The following FBLN7 variants were observed in gnomAD, a reference collection of about 807,000 sequenced individuals.
FBLN7 encodes the protein fibulin-7.
In FBLN7, 31 loss-of-function variants were observed where a neutral mutation model predicts 44.0. The ratio of observed to expected loss-of-function variants is 0.70; its 90% confidence interval spans 0.53 to 0.95. The LOEUF is 0.95. Among genes scored for constraint, FBLN7 ranks in the 40% least tolerant of loss-of-function variants. FBLN7 has a pLI of 0.00. For synonymous variants in FBLN7, 262 were observed against 253.4 expected (o/e 1.03, Z -0.32); for missense variants, 573 against 618.5 (o/e 0.93, Z 0.78).
the FBLN7 span, chr2:112,212,686 GT>G: frequency 1.3e-5 from 2 of 152,116 alleles, no homozygotes. Context: ...TTTCCTCTCT[GT>G]TTTCTTCAGC....
At chr2:112,198,568 CAG>C in the FBLN7 span, among the ~76,000 whole-genome samples, 2,971 of 151,812 alleles carry the variant, frequency 0.02, 94 homozygotes, top group African/African-American at 0.065. Context: ...ACCTGGGAGA[CAG>C]AGGTTGCAGT....
chr2:112,238,611 A>G, the FBLN7 span: 1 of 1,150,024 alleles, frequency 8.7e-7, no homozygotes, highest in South Asian at 1.5e-5. Context: ...AAGATTGGCT[A>G]TAAACTGGTC....
intron 1 of FBLN7, among the ~76,000 whole-genome samples, 156 bp downstream of exon 1, chr2:112,138,886 A>G (rs1463362687): frequency 1.0e-5 from 1 of 98,972 alleles, no homozygotes; most frequent in Admixed American, 1.1e-4. Context: ...TCTCCAGGTC[A>G]GTGTCCCTCC....
chr2:112,140,943 T>C lies in FBLN7; in HGVS notation c.75+2213T>C, dbSNP rs549439737. ...AATCTCACCGGATTTATTTGTTTAA[T>C]ACTTGACCAGATTCGCTTTTATGTT... On this transcript the variant is annotated intron_variant, in intron 1 of 7. Coordinates refer to ENST00000331203, the MANE Select transcript of FBLN7 (RefSeq NM_153214.3). 1.2e-4 allele frequency among the ~76,000 whole-genome samples: 19 copies of C among 152,380 alleles called. No homozygotes were observed. The South Asian group carries it at 3.9e-3, about 32-fold the overall frequency.
rs1015382515 is a variant in FBLN7 at position 112,159,709 on chromosome 2, A to T, written c.109A>T (p.Ile37Phe). The stretch of plus-strand genomic sequence containing the variant: ...CAGCAAACAGCAGCTCCTCTCGGCC[A>T]TCCGCCAGCTGCAGCAGCTGCTGAA... ...CLSKQQLLSA[I>F]RQLQQLLKGQ... The change falls in exon 2 of 8, where the codon ATC (isoleucine) becomes TTC (phenylalanine). Residue 37 changes from isoleucine (I) to phenylalanine (F), a missense_variant. Transcript: ENST00000331203. 9 of 1,578,492 alleles carry T rather than the reference A, an allele frequency of 5.7e-6. No individual in the cohort carries two copies. Among genetic ancestry groups the T allele is most frequent in the Non-Finnish European group, 7.7e-6 (9 of 1,161,870 alleles).
intron 3 of FBLN7, among the ~76,000 whole-genome samples, chr2:112,172,527 C>A (rs1271666787): frequency 2.6e-5 from 4 of 151,112 alleles, no homozygotes; most frequent in Non-Finnish European, 5.9e-5. Flanking sequence ...AAAATATATT[C>A]TTTTTCTTTA....
At chr2:112,189,164 C>G (rs1683400162), downstream of FBLN7, 1 of 152,322 alleles carries the variant, frequency 6.6e-6, no homozygotes, top group African/African-American at 2.4e-5. Flanking sequence ...CTCTCACATG[C>G]CAGAAGGTGG....
the FBLN7 span, chr2:112,215,535 A>G: frequency 6.6e-6 from 1 of 152,244 alleles, no homozygotes; most frequent in Non-Finnish European, 1.5e-5. Context: ...GCTAAGAAGT[A>G]TCACTAGCTT....
intron 2 of FBLN7, among the ~76,000 whole-genome samples, chr2:112,160,707 CA>C (rs1681740780): frequency 4.5e-5 from 2 of 44,538 alleles, no homozygotes; most frequent in Non-Finnish European, 5.3e-5. Context: ...CACGCACGCA[CA>C]CACACAAGCA....
chr2:112,211,837 G>A, the FBLN7 span: 2 of 151,968 alleles, frequency 1.3e-5, no homozygotes, highest in Non-Finnish European at 2.9e-5. Flanking sequence ...AATTTCACAG[G>A]AATCAACAGC....
intron 2 of FBLN7, among the ~76,000 whole-genome samples, chr2:112,161,434 CTG>C: frequency 1.3e-5 from 2 of 152,342 alleles, no homozygotes; most frequent in East Asian, 1.9e-4. Context: ...TTCCAAGGCA[CTG>C]TGAGGCCCAA....
At chr2:112,223,207 T>C in the FBLN7 span, among the ~76,000 whole-genome samples, 2 of 151,878 alleles carry the variant, frequency 1.3e-5, no homozygotes, top group Non-Finnish European at 2.9e-5. Flanking sequence ...TGTATACATA[T>C]GTAACAAACC....
chr2:112,158,278 A>G (rs1035882930), intron 1 of FBLN7, among the ~76,000 whole-genome samples: 1 of 151,548 alleles, frequency 6.6e-6, no homozygotes, highest in Non-Finnish European at 1.5e-5. Context: ...ATAGGGTTTC[A>G]ATGTTATCCA....
intron 1 of FBLN7, among the ~76,000 whole-genome samples, chr2:112,141,275 T>C (rs940016177): frequency 6.6e-6 from 1 of 152,206 alleles, no homozygotes; most frequent in Non-Finnish European, 1.5e-5. Context: ...ATGAGATGTA[T>C]TCAAGGTCAC....
chr2:112,157,278 G>A (rs886255347), intron 1 of FBLN7, among the ~76,000 whole-genome samples: 3 of 152,132 alleles, frequency 2.0e-5, no homozygotes, highest in Non-Finnish European at 4.4e-5. Context: ...GCTGAGGCAT[G>A]AGAATCACTT....
At chr2:112,173,489 T>C (rs1415572123) in intron 3 of FBLN7, among the ~76,000 whole-genome samples, 23 of 151,462 alleles carry the variant, frequency 1.5e-4, no homozygotes, top group Admixed American at 1.4e-3. Context: ...AATGAGTTGA[T>C]AGAACCCAGG....
At chr2:112,225,662 C>A in the FBLN7 span, among the ~76,000 whole-genome samples, 5 of 152,060 alleles carry the variant, frequency 3.3e-5, no homozygotes, top group Non-Finnish European at 7.4e-5. Context: ...ACTAAAAATA[C>A]AAAAATTAGC....
chr2:112,187,907 G>T lies in FBLN7; in HGVS notation c.*401G>T, dbSNP rs1462944215. The stretch of plus-strand genomic sequence containing the variant: ...GCCTTTTTGTAGCCAGGCTTGCTAT[G>T]AATGAAACGGTTCTAGTCGTGCGGG... On this transcript the variant is annotated 3_prime_UTR_variant, in exon 8 of 8. Coordinates refer to ENST00000331203, the MANE Select transcript of FBLN7 (RefSeq NM_153214.3). The surrounding 1 kb of genome is among the most constrained non-coding windows in gnomAD (Gnocchi z 5.1). 4 of 285,314 alleles carry T rather than the reference G, an allele frequency of 1.4e-5. No homozygotes were observed. The allele number at this position is 285,314 out of a possible 1,614,324, so 17.7% of individuals were successfully genotyped here.
At chr2:112,243,366 C>T in the FBLN7 span, among the ~76,000 whole-genome samples, 1 of 152,144 alleles carries the variant, frequency 6.6e-6, no homozygotes, top group African/African-American at 2.4e-5. Context: ...GAACAAAGTT[C>T]CATAAATGTC....
Sources: allele counts gnomAD v4.1 joint callset (sites outside exome capture counted in the v4.1 genomes callset), GRCh38; gene constraint gnomAD v4.1.1; non-coding constraint Gnocchi (gnomAD v3.1); transcripts MANE v1.5; gene names NCBI Gene and HGNC (gene_info 2026-07-23, HGNC 2026-07-21).